Variants in PPM1D observed in about 807,000 individuals in gnomAD.
The protein encoded by PPM1D is protein phosphatase, Mg2+/Mn2+ dependent 1D, also known as protein phosphatase 1D.
Under a neutral mutation model 58.3 loss-of-function variants are expected in PPM1D, and 52 were observed. That is an observed-to-expected ratio of 0.89 (90% confidence interval 0.71 to 1.12). The LOEUF is 1.12. Ranked by LOEUF, PPM1D falls within the 50% of genes most tolerant of loss-of-function variation. The pLI, the probability that PPM1D is intolerant of heterozygous loss-of-function variation, is 0.00. For synonymous variants in PPM1D, 278 were observed against 285.1 expected (o/e 0.98, Z 0.25); for missense variants, 564 against 777.2 (o/e 0.73, Z 3.26).
chr17:60,620,050 G>A lies in PPM1D; in HGVS notation c.473-3471G>A, dbSNP rs536230189. On this transcript the variant is annotated intron_variant, in intron 1 of 5. Coordinates refer to ENST00000305921, the MANE Select transcript of PPM1D (RefSeq NM_003620.4). ...GTCTCGCCCTGTCGCCCAGGCTGGA[G>A]TGCAGTGGCATGATCTCGGCCCACT... Among the ~76,000 whole-genome samples, 255 of 152,122 alleles carry A rather than the reference G, an allele frequency of 1.7e-3. 1 individual carries two copies. The highest frequency in any genetic ancestry group is 5.6e-3 in the African/African-American group (233 of 41,476).
intron 2 of PPM1D, among the ~76,000 whole-genome samples, chr17:60,629,539 A>AAT (rs2143665880): frequency 6.6e-6 from 1 of 152,184 alleles, no homozygotes; most frequent in East Asian, 1.9e-4. Flanking sequence ...TGAAGGTGAG[A>AAT]ATATATCTGA....
At chr17:60,652,560 T>TTG (rs2031364812) in intron 4 of PPM1D, among the ~76,000 whole-genome samples, 1 of 145,816 alleles carries the variant, frequency 6.9e-6, no homozygotes, top group African/African-American at 2.5e-5. Context: ...GTTTTTTTTT[T>TTG]TTTTTTTTTT....
At position 60,663,365 on chromosome 17, in the gene PPM1D, G is replaced by GC. The variant is rs1194694298; in HGVS notation, c.1636dup (p.Leu546ProfsTer6). 6 of 1,614,088 alleles carry GC rather than the reference G, an allele frequency of 3.7e-6. No homozygotes were observed. Among genetic ancestry groups the GC allele is most frequent in the Non-Finnish European group, 5.1e-6 (6 of 1,180,028 alleles). On this transcript the variant is annotated frameshift_variant, in exon 6 of 6. Transcript: ENST00000305921. LOFTEE classifies it high-confidence loss of function. ...AGGACATTAGAAGAGTCCAATTCTG[G>GC]CCCCCTGATGAAGAAGCATAGACGA...
chr17:60,609,356 G>A (rs908417324), intron 1 of PPM1D, among the ~76,000 whole-genome samples: 2 of 152,178 alleles, frequency 1.3e-5, no homozygotes, highest in African/African-American at 4.8e-5. Context: ...GCCTCCCAAA[G>A]TGCTAGGATT....
At position 60,665,872 on chromosome 17, in the gene PPM1D, A is replaced by G. The variant is rs967050535; in HGVS notation, c.*2320A>G. 1 of 152,204 alleles carries G rather than the reference A, an allele frequency of 6.6e-6. No homozygotes were observed. Among genetic ancestry groups the G allele is most frequent in the Non-Finnish European group, 1.5e-5 (1 of 68,032 alleles). 9.4% of individuals were successfully genotyped at this position (152,204 alleles called of 1,614,324 possible). ...TCCCCTCCAGAGGGCCTCTCACAAC[A>G]TGGCAGTTATTTGTCCCCAGAGCAA... is the stretch of plus-strand genomic sequence containing the variant. On this transcript the variant is annotated 3_prime_UTR_variant, in exon 6 of 6. Transcript: ENST00000305921.
chr17:60,600,768 G>A lies in PPM1D; in HGVS notation c.354G>A (p.Glu118=), dbSNP rs995339808. 9.9e-6 allele frequency: 16 copies of A among 1,612,456 alleles called. No individual in the cohort carries two copies. Among genetic ancestry groups the A allele is most frequent in the Non-Finnish European group, 1.1e-5 (13 of 1,179,828 alleles). The change falls in exon 1 of 6, where the codon GAG becomes GAA. Residue 118 remains glutamate (E), a synonymous_variant. Coordinates refer to ENST00000305921, the MANE Select transcript of PPM1D (RefSeq NM_003620.4). ...GGREAAQFAR[E]HLWGFIKKQK... The stretch of plus-strand genomic sequence containing the variant: ...GGGAGGCGGCACAGTTTGCCCGGGA[G>A]CACTTGTGGGGTTTCATCAAGAAGC...
At chr17:60,611,083 C>T (rs2030444415) in intron 1 of PPM1D, among the ~76,000 whole-genome samples, 1 of 152,182 alleles carries the variant, frequency 6.6e-6, no homozygotes, top group Non-Finnish European at 1.5e-5. Context: ...TGCAGTGCCT[C>T]GATCTCAGCT....
At chr17:60,655,827 G>A (rs1232249215) in intron 4 of PPM1D, among the ~76,000 whole-genome samples, 3 of 151,620 alleles carry the variant, frequency 2.0e-5, no homozygotes, top group Non-Finnish European at 2.9e-5. Flanking sequence ...TCAGCCTCCT[G>A]AGTAGCTGGG....
At chr17:60,608,397 C>A (rs1402905721) in intron 1 of PPM1D, among the ~76,000 whole-genome samples, 2 of 152,154 alleles carry the variant, frequency 1.3e-5, no homozygotes, top group African/African-American at 4.8e-5. Context: ...CATGGTGGCT[C>A]ACGCCTGTAA....
At position 60,627,059 on chromosome 17, in the gene PPM1D, T is replaced by C. The variant is rs1039361682; in HGVS notation, c.701+3310T>C. On this transcript the variant is annotated intron_variant, in intron 2 of 5. Coordinates refer to ENST00000305921, the MANE Select transcript of PPM1D (RefSeq NM_003620.4). ...TGTATGTGATGTGAATTTTAGATAT[T>C]GTTTCCACAGTTTGTCTTTTGATTA... Among the ~76,000 whole-genome samples the C allele has an allele frequency of 4.6e-5, 7 of 152,376 alleles. No homozygotes were observed. The East Asian group carries it at 1.3e-3, about 29-fold the overall frequency.
At chr17:60,605,251 A>G (rs2030306661) in intron 1 of PPM1D, among the ~76,000 whole-genome samples, 1 of 152,200 alleles carries the variant, frequency 6.6e-6, no homozygotes, top group Admixed American at 6.5e-5. Flanking sequence ...ATTGCTTTCT[A>G]CCATCAGTAC....
chr17:60,641,595 C>T (rs1362230583), intron 3 of PPM1D, among the ~76,000 whole-genome samples: 1 of 152,098 alleles, frequency 6.6e-6, no homozygotes, highest in Non-Finnish European at 1.5e-5. Context: ...TAATTAGGTC[C>T]TACTTGTCAA....
At chr17:60,618,059 C>T (rs1430683750) in intron 1 of PPM1D, among the ~76,000 whole-genome samples, 2 of 152,204 alleles carry the variant, frequency 1.3e-5, no homozygotes, top group Non-Finnish European at 2.9e-5. Context: ...GTTCTTTTAT[C>T]ATGTGCTGCT....
At position 60,622,986 on chromosome 17, in the gene PPM1D, A is replaced by G. The variant is rs142923648; in HGVS notation, c.473-535A>G. The stretch of plus-strand genomic sequence containing the variant: ...GTGGCAGGCGCCTGTAATACCAGCT[A>G]CTCGAGAGGCTGAGTCAGGAGAATC... On this transcript the variant is annotated intron_variant, in intron 1 of 5. Transcript: ENST00000305921. 3.8e-3 allele frequency among the ~76,000 whole-genome samples: 583 copies of G among 152,222 alleles called. 2 individuals carry two copies. The highest frequency in any genetic ancestry group is 0.013 in the African/African-American group (550 of 41,548).
rs150499359 is a variant in PPM1D, at chr17:60,652,332, C to T, written c.1017+4250C>T. Among the ~76,000 whole-genome samples the T allele has an allele frequency of 1.8e-4, 27 of 152,044 alleles. No homozygotes were observed. In the East Asian group the frequency reaches 3.1e-3, roughly 17 times the overall value. ...GACAAGATTTCATTCTTTTCTATGG[C>T]CGAATACTATTTCATTGTGTATGTG... On this transcript the variant is annotated intron_variant, in intron 4 of 5. Coordinates refer to ENST00000305921, the MANE Select transcript of PPM1D (RefSeq NM_003620.4).
At chr17:60,643,883 CTTTTTTTTTTT>C in intron 3 of PPM1D, among the ~76,000 whole-genome samples, 1 of 97,748 alleles carries the variant, frequency 1.0e-5, no homozygotes, top group South Asian at 3.7e-4. Context: ...CTTTTCTTTT[CTTTTTTTTTTT>C]TTTTTTTTTT....
chr17:60,601,818 C>T (rs1368965579), intron 1 of PPM1D, among the ~76,000 whole-genome samples: 2 of 152,130 alleles, frequency 1.3e-5, no homozygotes, highest in African/African-American at 4.8e-5. Context: ...CTGTGCCCAA[C>T]ATTTACAGAA....
intron 3 of PPM1D, among the ~76,000 whole-genome samples, chr17:60,640,171 C>T (rs769311664): frequency 6.6e-6 from 1 of 152,166 alleles, no homozygotes; most frequent in Non-Finnish European, 1.5e-5. Flanking sequence ...ATTGGCTGGG[C>T]GTGGTTGCAC....
chr17:60,617,679 G>A (rs1015912974), intron 1 of PPM1D, among the ~76,000 whole-genome samples: 1 of 152,126 alleles, frequency 6.6e-6, no homozygotes, highest in African/African-American at 2.4e-5. Flanking sequence ...TCTGCAACCA[G>A]ATTGCAAACT....
Sources: gnomAD v4.1 joint callset for allele counts (sites outside exome capture counted in the v4.1 genomes callset) on GRCh38, gnomAD v4.1.1 for gene constraint, MANE v1.5 for transcripts, NCBI Gene and HGNC (gene_info 2026-07-23, HGNC 2026-07-21) for gene names.